The following SLC29A3 variants were observed in gnomAD, a reference collection of about 807,000 sequenced individuals.
The protein encoded by SLC29A3 is equilibrative nucleoside transporter 3.
A neutral mutation model predicts 25.4 loss-of-function variants in SLC29A3; 18 were observed. The observed-to-expected ratio is 0.71, with a 90% CI of 0.49 to 1.05. The LOEUF is 1.05. Ranked by LOEUF, SLC29A3 falls within the 50% of genes least tolerant of loss-of-function variation. The pLI is 0.00. For synonymous variants in SLC29A3, 258 were observed against 267.1 expected, an observed-to-expected ratio of 0.97 and a Z score of 0.33; for missense variants, 586 against 609.0, an observed-to-expected ratio of 0.96 and a Z score of 0.40.
intron 3 of SLC29A3, among the ~76,000 whole-genome samples, chr10:71,345,776 G>A (rs1183106921): frequency 2.6e-5 from 4 of 152,218 alleles, no homozygotes; most frequent in East Asian, 3.9e-4. Flanking sequence ...CAGGGGTCCC[G>A]GCTGCGCCTC....
chr10:71,324,024 G>A (rs1845911849), intron 2 of SLC29A3, among the ~76,000 whole-genome samples: 1 of 152,178 alleles, frequency 6.6e-6, no homozygotes, highest in Non-Finnish European at 1.5e-5. Flanking sequence ...GGCAGTAGGG[G>A]AAGAGGATTA....
chr10:71,356,073 C>G lies in SLC29A3; in HGVS notation c.611-8C>G, dbSNP rs758975664. Reference sequence around the variant, plus strand: ...TCACCATCTCTGCGTGTCCTCTGTTCTCTGCAGGAGGAGCCATGGGCGGGA... The same window carrying G: ...TCACCATCTCTGCGTGTCCTCTGTTGTCTGCAGGAGGAGCCATGGGCGGGA... On this transcript the variant is annotated splice_polypyrimidine_tract_variant and splice_region_variant and intron_variant, in intron 4 of 5. Coordinates refer to ENST00000373189, the MANE Select transcript of SLC29A3 (RefSeq NM_018344.6). The G allele has an allele frequency of 5.6e-6, 9 of 1,613,774 alleles. No homozygotes were observed. The highest frequency in any genetic ancestry group is 7.6e-6 in the Non-Finnish European group (9 of 1,180,038).
At chr10:71,377,421 C>A (rs1231946811) in intron 4 of SLC29A3, among the ~76,000 whole-genome samples, 1 of 152,362 alleles carries the variant, frequency 6.6e-6, no homozygotes, top group East Asian at 1.9e-4. Flanking sequence ...GAGCCAGGGA[C>A]TGGACCGCCC....
Position 71,351,620 on chromosome 10 carries a change from G to T in SLC29A3, c.442G>T (p.Val148Leu). The stretch of plus-strand genomic sequence containing the variant: ...GACGGTCATCCTGGCCATCTTCATG[G>T]TGATAACTGCACTGGTGAAGGTGGA... ...SLTVILAIFMVITALVKVDTS... is the reference protein window; with the variant it reads ...SLTVILAIFMLITALVKVDTS... The change falls in exon 4 of 6, where the codon GTG becomes TTG. Residue 148 changes from valine to leucine, a missense_variant. Val to Leu is a conservative substitution (Grantham distance 32). Transcript: ENST00000373189. 6.2e-7 allele frequency: 1 copy of T among 1,614,212 alleles called. No homozygotes were observed.
At chr10:71,332,751 G>C (rs1048732462) in intron 2 of SLC29A3, among the ~76,000 whole-genome samples, 2 of 152,146 alleles carry the variant, frequency 1.3e-5, no homozygotes, top group East Asian at 3.9e-4. Flanking sequence ...TTCTAACTGC[G>C]GGCCCAGCCA....
At chr10:71,378,952 G>T (rs1353869599) in intron 4 of SLC29A3, among the ~76,000 whole-genome samples, 1 of 152,206 alleles carries the variant, frequency 6.6e-6, no homozygotes, top group African/African-American at 2.4e-5. Context: ...CCTTAGATGA[G>T]AACAACTAGG....
At chr10:71,369,506 T>C (rs1416313387) in intron 3 of SLC29A3, among the ~76,000 whole-genome samples, 3 of 152,180 alleles carry the variant, frequency 2.0e-5, no homozygotes, top group African/African-American at 7.2e-5. Context: ...ACTTAAAGAT[T>C]TGGAAAATCC....
chr10:71,377,878 G>C (rs181371213), intron 4 of SLC29A3, among the ~76,000 whole-genome samples: 60 of 104,930 alleles, frequency 5.7e-4, no homozygotes, highest in African/African-American at 2.2e-3. Flanking sequence ...TGAGAAAATA[G>C]GAGTTTAGAC....
Position 71,322,636 on chromosome 10 carries a change from T to C in SLC29A3, c.2-120T>C. 3.2e-6 allele frequency: 4 copies of C among 1,230,998 alleles called. No homozygotes were observed. The East Asian group carries it at 9.3e-5, about 29-fold the overall frequency. The allele number at this position is 1,230,998 out of a possible 1,614,324, so 76.3% of individuals were successfully genotyped here. A position where few individuals can be genotyped will look rare whatever the true frequency, so the allele number is the denominator to read the frequency against. ...AGCTCTCCAACCAGGCTTTGGTGAC[T>C]TTACAGAGCCCAGGGTGAGGGGGCA... On this transcript the variant is annotated intron_variant, in intron 1 of 5. Coordinates refer to ENST00000373189, the MANE Select transcript of SLC29A3 (RefSeq NM_018344.6).
Position 71,331,803 on chromosome 10 carries a change from G to A in SLC29A3, c.300+8749G>A, listed in dbSNP as rs143931174. 1.8e-3 allele frequency among the ~76,000 whole-genome samples: 281 copies of A among 152,352 alleles called. 1 individual carries two copies. Among genetic ancestry groups the A allele is most frequent in the Non-Finnish European group, 2.9e-3 (197 of 68,036 alleles). On this transcript the variant is annotated intron_variant, in intron 2 of 5. Coordinates refer to ENST00000373189, the MANE Select transcript of SLC29A3 (RefSeq NM_018344.6). ...CAGAGGAGGAAAGTAGAGACAGTAA[G>A]TAACTCGTTGGTGCCACATAGCTAA...
intron 3 of SLC29A3, among the ~76,000 whole-genome samples, chr10:71,350,913 T>C (rs572997397): frequency 1.3e-5 from 2 of 152,332 alleles, no homozygotes; most frequent in South Asian, 4.2e-4. Context: ...ATACCTGTCT[T>C]ACAGAACCGG....
downstream of SLC29A3, chr10:71,364,337 G>C (rs1167561178): frequency 6.6e-6 from 1 of 152,222 alleles, no homozygotes; most frequent in Non-Finnish European, 1.5e-5. Context: ...GTATGTTGAA[G>C]CTGTTGTTTC....
intron 2 of SLC29A3, among the ~76,000 whole-genome samples, chr10:71,332,312 G>C (rs1846139886): frequency 6.6e-6 from 1 of 151,778 alleles, no homozygotes; most frequent in Non-Finnish European, 1.5e-5. Context: ...ACCACACCTG[G>C]CTAATTTTTG....
intron 2 of SLC29A3, among the ~76,000 whole-genome samples, chr10:71,337,514 G>A (rs948632753): frequency 5.9e-5 from 9 of 152,202 alleles, no homozygotes; most frequent in Non-Finnish European, 7.3e-5. Flanking sequence ...GGCTTGAATC[G>A]CTTTTCCTCG....
At chr10:71,333,403 C>T (rs1325209228) in intron 2 of SLC29A3, among the ~76,000 whole-genome samples, 1 of 152,276 alleles carries the variant, frequency 6.6e-6, no homozygotes, top group African/African-American at 2.4e-5. Context: ...CTAGAGCAGC[C>T]TGTGGTTTCT....
intron 1 of SLC29A3, chr10:71,319,573 T>C (rs908476181): frequency 4.1e-5 from 16 of 392,638 alleles, no homozygotes; most frequent in Admixed American, 9.1e-5. Flanking sequence ...GCCTGTATGG[T>C]GGGGGCCTGG....
At chr10:71,348,079 C>T (rs1286995563) in intron 3 of SLC29A3, among the ~76,000 whole-genome samples, 8 of 152,210 alleles carry the variant, frequency 5.3e-5, no homozygotes, top group Non-Finnish European at 1.2e-4. Flanking sequence ...AGCAGACAGC[C>T]GCTGGGAGGT....
In SLC29A3 at chr10:71,362,404, C is replaced by T. The variant is rs1245526625; in HGVS notation, c.1224C>T (p.Val408=). The part of the protein sequence containing the change: ...YQPRVHLKTV[V]FQSDVYPALL... ...CCCGCGTCCACCTGAAGACTGTGGT[C>T]TTCCAGTCCGATGTGTACCCCGCAC... The change falls in exon 6 of 6, where the codon GTC becomes GTT. Residue 408 remains valine (V), a synonymous_variant. Transcript: ENST00000373189. The T allele has an allele frequency of 1.5e-5, 24 of 1,614,112 alleles. No homozygotes were observed. The highest frequency in any genetic ancestry group is 1.9e-5 in the Non-Finnish European group (23 of 1,180,062).
chr10:71,350,873 T>G (rs1432933029), intron 3 of SLC29A3, among the ~76,000 whole-genome samples: 1 of 152,214 alleles, frequency 6.6e-6, no homozygotes, highest in Admixed American at 6.5e-5. Context: ...GATGTCAGCT[T>G]CCTTATCTGT....
Sources: gnomAD v4.1 joint callset for allele counts (sites outside exome capture counted in the v4.1 genomes callset) on GRCh38, gnomAD v4.1.1 for gene constraint, MANE v1.5 for transcripts, NCBI Gene and HGNC (gene_info 2026-07-23, HGNC 2026-07-21) for gene names.